The following CASP4 variants were observed in gnomAD, a reference collection of about 807,000 sequenced individuals.
CASP4 encodes the protein caspase 4.
Under a neutral mutation model 41.3 loss-of-function variants are expected in CASP4, and 29 were observed. That is an observed-to-expected ratio of 0.70 (90% CI 0.52 to 0.96). The LOEUF is 0.96. Among genes scored for constraint, CASP4 ranks in the 40% least tolerant of loss-of-function variants. CASP4 has a pLI of 0.00. For missense variants in CASP4, 447 were observed against 460.6 expected (o/e 0.97, Z 0.27); for synonymous variants, 185 against 158.4 (o/e 1.17, Z -1.26).
chr11:104,949,781 TA>T lies in CASP4; in HGVS notation c.547-5del, dbSNP rs1373203585. 1 of 1,613,166 alleles carries T rather than the reference TA, an allele frequency of 6.2e-7. No individual in the cohort carries two copies. The highest frequency in any genetic ancestry group is 1.1e-5 in the South Asian group (1 of 91,068). On this transcript the variant is annotated splice_polypyrimidine_tract_variant and splice_region_variant and intron_variant, in intron 4 of 8. Coordinates refer to ENST00000444739, the MANE Select transcript of CASP4 (RefSeq NM_001225.4). Reference sequence around the variant, plus strand: ...CCCTCAGCGCTGACTCCATATCCTGTAAAAGAGCAATGTCTAACTTCAGTCA... The same window carrying T: ...CCCTCAGCGCTGACTCCATATCCTGTAAAGAGCAATGTCTAACTTCAGTCA...
In CASP4 at chr11:104,949,706, T is replaced by G. The variant is rs56326166; in HGVS notation, c.618A>C (p.Val206=). ...EHKSSDSTFL[V]LMSHGILEGI... The stretch of plus-strand genomic sequence containing the variant: ...CCTCCAGGATGCCATGAGACATGAG[T>G]ACCAAGAATGTGCTGTCAGAGGACT... Residue 206 remains valine, a synonymous_variant, in exon 5 of 9, where the codon GTA becomes GTC. Coordinates refer to ENST00000444739, the MANE Select transcript of CASP4 (RefSeq NM_001225.4). 1.1e-3 allele frequency: 1,754 copies of G among 1,613,916 alleles called. 6 individuals are homozygous for G. The highest frequency in any genetic ancestry group is 9.0e-3 in the African/African-American group (678 of 75,010).
At chr11:104,950,864 T>A in intron 4 of CASP4, 61 bp downstream of exon 4, 1 of 1,490,886 alleles carries the variant, frequency 6.7e-7, no homozygotes, top group Non-Finnish European at 9.2e-7. Context: ...TGAAGCTAGG[T>A]AGTTATTAGA....
intron 4 of CASP4, among the ~76,000 whole-genome samples, chr11:104,950,247 T>C (rs1456472099): frequency 2.0e-5 from 3 of 152,126 alleles, no homozygotes; most frequent in African/African-American, 7.2e-5. Context: ...CCAGGTTCAT[T>C]TTCAGCTCAG....
In CASP4 at chr11:104,947,227, G is replaced by A. The variant is rs1374728895; in HGVS notation, c.926-35C>T. ...TACAGATGGGTATGCCTTGGGCTAT[G>A]ACTTTCACTATGTTTTTGTTCATAT... On this transcript the variant is annotated intron_variant, in intron 6 of 8. Transcript: ENST00000444739. The A allele has an allele frequency of 3.3e-6, 4 of 1,218,972 alleles. No homozygotes were observed. In the Admixed American group the frequency reaches 6.2e-5, roughly 19 times the overall value. The allele number at this position is 1,218,972 out of a possible 1,614,324, so 75.5% of individuals were successfully genotyped here. A position where few individuals can be genotyped will look rare whatever the true frequency, so the allele number is the denominator to read the frequency against.
At chr11:104,953,167 T>A (rs12287233) in intron 2 of CASP4, among the ~76,000 whole-genome samples, 3 of 152,102 alleles carry the variant, frequency 2.0e-5, no homozygotes, top group African/African-American at 7.2e-5. Flanking sequence ...TAGTACATAT[T>A]ATACTGCAGA....
intron 1 of CASP4, among the ~76,000 whole-genome samples, chr11:104,955,447 ATTT>A (rs1288375217): frequency 3.3e-5 from 5 of 151,982 alleles, no homozygotes; most frequent in Non-Finnish European, 7.4e-5. Context: ...TCTTTTCTGT[ATTT>A]AGTTTTCTTG....
chr11:104,960,488 G>A (rs1277399002), intron 1 of CASP4, among the ~76,000 whole-genome samples: 2 of 151,600 alleles, frequency 1.3e-5, no homozygotes, highest in Non-Finnish European at 1.5e-5. Context: ...ATATTTTTGT[G>A]AGACAGAGTC....
Position 104,949,563 on chromosome 11 carries a change from A to G in CASP4, c.761T>C (p.Ile254Thr), listed in dbSNP as rs746488096. The change falls in exon 5 of 9, where the codon ATT (isoleucine) becomes ACT (threonine). Residue 254 changes from isoleucine (I) to threonine (T), a missense_variant. Transcript: ENST00000444739. Reference sequence around the variant, plus strand: ...CTCACCACCTCTGCAGGCCTGGACAATGATGACCTTGGGTTTGTCCTTCAG... The same window carrying G: ...CTCACCACCTCTGCAGGCCTGGACAGTGATGACCTTGGGTTTGTCCTTCAG... ...LSLKDKPKVI[I>T]VQACRGANRG... 5.0e-6 allele frequency: 8 copies of G among 1,613,890 alleles called. No individual in the cohort carries two copies. Among genetic ancestry groups the G allele is most frequent in the Non-Finnish European group, 6.8e-6 (8 of 1,179,828 alleles).
rs377559194 is a variant in CASP4, at chr11:104,968,534, G to A, written c.-9C>T. The A allele has an allele frequency of 3.4e-5, 55 of 1,613,142 alleles. No homozygotes were observed. Among genetic ancestry groups the A allele is most frequent in the African/African-American group, 2.1e-4 (16 of 75,020 alleles). On this transcript the variant is annotated 5_prime_UTR_variant, in exon 1 of 9. Transcript: ENST00000444739. The stretch of plus-strand genomic sequence containing the variant: ...AAGGACTCACCTGCCATAGGGAACA[G>A]CCTCTGTCCTTTTTTACAGCGTTGG...
intron 1 of CASP4, among the ~76,000 whole-genome samples, chr11:104,961,474 AG>A (rs57156173): frequency 0.015 from 2,299 of 151,932 alleles, 59 homozygotes; most frequent in African/African-American, 0.053. Flanking sequence ...ACTTGTCTGT[AG>A]CTCTATGATG....
intron 7 of CASP4, 22 bp from the exon 8 acceptor site, chr11:104,944,873 A>G: frequency 6.8e-7 from 1 of 1,460,306 alleles, no homozygotes; most frequent in Non-Finnish European, 9.6e-7. Context: ...AATAGGCTGT[A>G]GATGAGATAC....
In CASP4 at chr11:104,949,736, C is replaced by A; in HGVS notation, c.588G>T (p.Glu196Asp). ...AGAATGTGCTGTCAGAGGACTTGTG[C>A]TCTGGTCTGGTAGCAAATGCCCTCA... ...SALRAFATRP[E>D]HKSSDSTFLV... is the part of the protein sequence containing the mutation. Residue 196 changes from glutamate to aspartate, a missense_variant, in exon 5 of 9, where the codon GAG (glutamate) becomes GAT (aspartate). Coordinates refer to ENST00000444739, the MANE Select transcript of CASP4 (RefSeq NM_001225.4). 6.2e-7 allele frequency: 1 copy of A among 1,613,894 alleles called. No individual in the cohort carries two copies. The highest frequency in any genetic ancestry group is 8.5e-7 in the Non-Finnish European group (1 of 1,179,880).
In CASP4 at chr11:104,948,573, G is replaced by A. The variant is rs770330210; in HGVS notation, c.885C>T (p.His295=). 16 of 1,610,432 alleles carry A rather than the reference G, an allele frequency of 9.9e-6. No individual in the cohort carries two copies. The highest frequency in any genetic ancestry group is 5.3e-5 in the African/African-American group (4 of 74,844). ...NLEEDAVYKT[H]VEKDFIAFCS... is the part of the protein sequence containing the mutation. ...AGAAAGCAATGAAGTCCTTCTCCAC[G>A]TGGGTCTTGTAAACAGCATCTTCCT... The change falls in exon 6 of 9, where the codon CAC becomes CAT. Residue 295 remains histidine (H), a synonymous_variant. Coordinates refer to ENST00000444739, the MANE Select transcript of CASP4 (RefSeq NM_001225.4).
chr11:104,960,753 G>T (rs145135026), intron 1 of CASP4, among the ~76,000 whole-genome samples: 176 of 152,096 alleles, frequency 1.2e-3, no homozygotes, highest in African/African-American at 4.0e-3. Context: ...TGGATTACAG[G>T]CCTGAGCCAC....
intron 4 of CASP4, among the ~76,000 whole-genome samples, chr11:104,950,292 G>A (rs1308013705): frequency 1.3e-5 from 2 of 152,052 alleles, no homozygotes; most frequent in East Asian, 1.9e-4. Context: ...CTTTGAAGGC[G>A]CTGCATTCAT....
chr11:104,960,644 A>T (rs1029546100), intron 1 of CASP4, among the ~76,000 whole-genome samples: 5 of 152,022 alleles, frequency 3.3e-5, no homozygotes, highest in Non-Finnish European at 7.4e-5. Flanking sequence ...TAATTTTTGT[A>T]TTTTTAGTAG....
At chr11:104,950,583 T>G (rs1483363621) in intron 4 of CASP4, among the ~76,000 whole-genome samples, 4 of 152,074 alleles carry the variant, frequency 2.6e-5, no homozygotes, top group Non-Finnish European at 5.9e-5. Flanking sequence ...AGTTTAGGAT[T>G]CAATATTTGT....
intron 1 of CASP4, 21 bp downstream of exon 1, chr11:104,968,498 C>G: frequency 6.2e-7 from 1 of 1,610,912 alleles, no homozygotes; most frequent in South Asian, 1.1e-5. Flanking sequence ...CTCCCAAACT[C>G]CTAGTCAGAA....
intron 1 of CASP4, among the ~76,000 whole-genome samples, chr11:104,965,027 G>A (rs1277003591): frequency 1.3e-5 from 2 of 152,036 alleles, no homozygotes; most frequent in African/African-American, 4.8e-5. Flanking sequence ...ATAAAAATAG[G>A]GTCTGGAGAG....
Sources: allele counts gnomAD v4.1 joint callset (sites outside exome capture counted in the v4.1 genomes callset), GRCh38; gene constraint gnomAD v4.1.1; transcripts MANE v1.5; gene names NCBI Gene and HGNC (gene_info 2026-07-23, HGNC 2026-07-21).